ZNF519: variants seen among roughly 807,000 people sequenced by gnomAD.
ZNF519 encodes the protein similar to Zinc finger protein 85 (Zinc finger protein HPF4) (HTF1).
ZNF519 carries 7 observed loss-of-function variants against 7.4 expected under a neutral mutation model. The ratio of observed to expected loss-of-function variants is 0.94; its 90% CI spans 0.54 to 1.77. The LOEUF is 1.77. ZNF519 is among the 40% of genes most tolerant of loss of function. The pLI is 0.00. For synonymous variants in ZNF519, 179 were observed against 203.3 expected, an observed-to-expected ratio of 0.88 and a Z score of 1.02; for missense variants, 586 against 623.1, an observed-to-expected ratio of 0.94 and a Z score of 0.63.
In ZNF519 at chr18:14,104,721, T is replaced by TTCAG. The variant is rs1471196723; in HGVS notation, c.*192_*195dup. The TTCAG allele has an allele frequency of 6.3e-6, 3 of 473,940 alleles. No homozygotes were observed. Among genetic ancestry groups the TTCAG allele is most frequent in the Non-Finnish European group, 1.1e-5 (3 of 280,048 alleles). 29.4% of individuals were successfully genotyped at this position (473,940 alleles called of 1,614,324 possible). On this transcript the variant is annotated 3_prime_UTR_variant, in exon 3 of 3. Transcript: ENST00000590202. ...TTATTTGTTATAATAAACACACTGATTCAGAGTAATTTACGGAAGTGCTAG... is the reference window on the plus strand; with the variant it reads ...TTATTTGTTATAATAAACACACTGATTCAGTCAGAGTAATTTACGGAAGTGCTAG...
exon 5 of ZNF519, chr18:14,076,228 T>TA: frequency 6.6e-6 from 1 of 152,258 alleles, no homozygotes; most frequent in South Asian, 2.1e-4. Flanking sequence ...GTCAGGTTTT[T>TA]AAAAATGGTT....
At chr18:14,108,982 C>G (rs905370018) in intron 2 of ZNF519, among the ~76,000 whole-genome samples, 3 of 152,026 alleles carry the variant, frequency 2.0e-5, no homozygotes, top group Admixed American at 6.6e-5. Flanking sequence ...TGGCACATGC[C>G]TGTAATCCCA....
chr18:14,109,314 A>G (rs2046209954), intron 2 of ZNF519, among the ~76,000 whole-genome samples: 1 of 152,116 alleles, frequency 6.6e-6, no homozygotes, highest in South Asian at 2.1e-4. Flanking sequence ...TTCCAGACAG[A>G]AAAACCAACG....
intron 2 of ZNF519, chr18:14,122,067 T>C (rs2046272028): frequency 6.6e-6 from 1 of 152,164 alleles, no homozygotes; most frequent in South Asian, 2.1e-4. Flanking sequence ...CTATCATTAG[T>C]GTTCGTGTAT....
chr18:14,083,240 C>G (rs370954868), intron 3 of ZNF519, among the ~76,000 whole-genome samples: 68 of 152,198 alleles, frequency 4.5e-4, no homozygotes, highest in African/African-American at 1.4e-3. Context: ...TTCCCAGGTA[C>G]CAGGGAGGCT....
intron 2 of ZNF519, among the ~76,000 whole-genome samples, chr18:14,119,278 A>G (rs1022419860): frequency 6.6e-6 from 1 of 152,232 alleles, no homozygotes; most frequent in Non-Finnish European, 1.5e-5. Flanking sequence ...TGCCAAAAAC[A>G]GTTTACAGAA....
chr18:14,096,424 C>T (rs141369672), downstream of ZNF519, among the ~76,000 whole-genome samples: 446 of 152,278 alleles, frequency 2.9e-3, no homozygotes, highest in Admixed American at 5.0e-3. Flanking sequence ...TCTATTTCAC[C>T]ATTTGCTTCA....
chr18:14,112,820 GTATTTT>G (rs1245464629), intron 2 of ZNF519, among the ~76,000 whole-genome samples: 1 of 152,138 alleles, frequency 6.6e-6, no homozygotes, highest in Admixed American at 6.5e-5. Context: ...AGAAAAATCA[GTATTTT>G]TAGTGTCTAT....
chr18:14,116,325 C>T (rs1211552638), intron 2 of ZNF519, among the ~76,000 whole-genome samples: 1 of 152,132 alleles, frequency 6.6e-6, no homozygotes, highest in Non-Finnish European at 1.5e-5. Context: ...TAAATTATTA[C>T]ATTTACACAG....
downstream of ZNF519, among the ~76,000 whole-genome samples, chr18:14,095,548 T>C (rs2046132845): frequency 6.6e-6 from 1 of 152,188 alleles, no homozygotes; most frequent in South Asian, 2.1e-4. Flanking sequence ...AGGTTTATTA[T>C]TGGCTCTAGG....
intron 1 of ZNF519, 41 bp from the exon 2 acceptor site, chr18:14,124,517 C>A: frequency 6.3e-7 from 1 of 1,594,460 alleles, no homozygotes; most frequent in Non-Finnish European, 8.5e-7. Context: ...CTTAATTTGA[C>A]TAGAGATGAA....
chr18:14,081,344 C>T (rs1455181974), intron 3 of ZNF519, among the ~76,000 whole-genome samples: 1 of 141,118 alleles, frequency 7.1e-6, no homozygotes, highest in Admixed American at 6.9e-5. Context: ...AACATATGGG[C>T]ATTATAAACT....
chr18:14,087,940 C>T (rs146937493), intron 2 of ZNF519, among the ~76,000 whole-genome samples: 10 of 152,258 alleles, frequency 6.6e-5, no homozygotes, highest in African/African-American at 2.2e-4. Context: ...ACATGCCCCA[C>T]CTTGTAGCAA....
intron 3 of ZNF519, chr18:14,080,178 T>G (rs1046080232): frequency 6.6e-6 from 1 of 152,036 alleles, no homozygotes. Context: ...AATATATCAG[T>G]ACACACTTAC....
downstream of ZNF519, among the ~76,000 whole-genome samples, chr18:14,095,403 C>A (rs2046131947): frequency 6.6e-6 from 1 of 152,160 alleles, no homozygotes; most frequent in Non-Finnish European, 1.5e-5. Context: ...ACTCAGTGCT[C>A]CTTAGTTGAG....
rs1421111133 is a variant in ZNF519, at chr18:14,100,379, C to G, written c.*4538G>C. On this transcript the variant is annotated 3_prime_UTR_variant, in exon 3 of 3. Coordinates refer to ENST00000590202, the MANE Select transcript of ZNF519 (RefSeq NM_145287.4). The stretch of plus-strand genomic sequence containing the variant: ...ACCTAGTACATGAATGTACATAGCA[C>G]TTTTATTCATAATAGCCACACACTG... 1.3e-5 allele frequency: 2 copies of G among 152,110 alleles called. No homozygotes were observed. Among genetic ancestry groups the G allele is most frequent in the Non-Finnish European group, 2.9e-5 (2 of 68,008 alleles). 9.4% of individuals were successfully genotyped at this position (152,110 alleles called of 1,614,324 possible). A position where few individuals can be genotyped will look rare whatever the true frequency, so the allele number is the denominator to read the frequency against.
At chr18:14,085,842 T>C (rs1313877592) in intron 2 of ZNF519, among the ~76,000 whole-genome samples, 2 of 152,146 alleles carry the variant, frequency 1.3e-5, no homozygotes, top group Non-Finnish European at 2.9e-5. Flanking sequence ...CAGCACTTGG[T>C]GGAAAACTGC....
At chr18:14,114,187 A>G (rs984817833) in intron 2 of ZNF519, among the ~76,000 whole-genome samples, 21 of 152,098 alleles carry the variant, frequency 1.4e-4, no homozygotes, top group African/African-American at 4.8e-4. Context: ...CTGTGCCTGC[A>G]GGGTATTATT....
intron 3 of ZNF519, among the ~76,000 whole-genome samples, chr18:14,081,485 C>A (rs2046070501): frequency 6.6e-6 from 1 of 152,190 alleles, no homozygotes; most frequent in African/African-American, 2.4e-5. Context: ...AAAAGCTGGA[C>A]AGGCAGTTGC....
Sources: allele counts gnomAD v4.1 joint callset (sites outside exome capture counted in the v4.1 genomes callset), GRCh38; gene constraint gnomAD v4.1.1; transcripts MANE v1.5; gene names NCBI Gene and HGNC (gene_info 2026-07-23, HGNC 2026-07-21).